Variants in FRMD4B observed in about 807,000 individuals in gnomAD.
FRMD4B encodes the protein FERM domain-containing protein 4B.
FRMD4B carries 74 observed loss-of-function variants against 141.5 expected under a neutral mutation model. That is an observed-to-expected ratio of 0.52 (90% CI 0.43 to 0.63). The LOEUF is 0.63. Among genes scored for constraint, FRMD4B ranks in the 30% least tolerant of loss-of-function variants. FRMD4B has a pLI of 0.00. For missense variants in FRMD4B, 1,366 were observed against 1,253.4 expected (o/e 1.09, Z -1.36); for synonymous variants, 506 against 467.9 (o/e 1.08, Z -1.05).
At chr3:69,342,228 C>A (rs1315558861) in intron 1 of FRMD4B, among the ~76,000 whole-genome samples, 1 of 152,162 alleles carries the variant, frequency 6.6e-6, no homozygotes, top group African/African-American at 2.4e-5. Flanking sequence ...AAAAGATGAA[C>A]ACTTGACCTG....
chr3:69,353,039 T>C (rs1392719506), intron 1 of FRMD4B, among the ~76,000 whole-genome samples: 1 of 151,996 alleles, frequency 6.6e-6, no homozygotes, highest in Non-Finnish European at 1.5e-5. Flanking sequence ...ACACAGTTCC[T>C]GCCCTCTCTC....
chr3:69,411,254 G>T (rs1305189843), intron 2 of FRMD4B, among the ~76,000 whole-genome samples: 1 of 152,122 alleles, frequency 6.6e-6, no homozygotes, highest in African/African-American at 2.4e-5. Flanking sequence ...TGCAACTAAT[G>T]CTGTCCATTC....
rs113702159 is a variant in FRMD4B, at chr3:69,247,938, C to T, written c.581+1288G>A. ...TGCTGGGATTACAGGCGTGAGCCACCGTGCCCGGCCACCCAGCTAATTTTT... is the reference window on the plus strand; with the variant it reads ...TGCTGGGATTACAGGCGTGAGCCACTGTGCCCGGCCACCCAGCTAATTTTT... On this transcript the variant is annotated intron_variant, in intron 7 of 22. Coordinates refer to ENST00000398540, the MANE Select transcript of FRMD4B (RefSeq NM_015123.3). Among the ~76,000 whole-genome samples the T allele has an allele frequency of 3.4e-4, 51 of 152,224 alleles. 2 individuals carry two copies. The South Asian group carries it at 6.6e-3, about 20-fold the overall frequency.
intron 1 of FRMD4B, among the ~76,000 whole-genome samples, chr3:69,469,793 T>A (rs1192701882): frequency 6.6e-6 from 1 of 152,248 alleles, no homozygotes; most frequent in Non-Finnish European, 1.5e-5. Context: ...TTTATATAGT[T>A]AAGATACAAG....
intron 1 of FRMD4B, among the ~76,000 whole-genome samples, chr3:69,354,262 GAATAGGAAA>G (rs1559825587): frequency 6.6e-6 from 1 of 152,102 alleles, no homozygotes; most frequent in Non-Finnish European, 1.5e-5. Context: ...GTCATTCAGT[GAATAGGAAA>G]TAATCAAAAT....
chr3:69,258,433 CAT>C (rs151190277), intron 5 of FRMD4B, among the ~76,000 whole-genome samples: 4,875 of 152,208 alleles, frequency 0.032, 140 homozygotes, highest in East Asian at 0.1. Flanking sequence ...CTTAGGGAAA[CAT>C]ATATATTTCT....
At chr3:69,197,348 C>T (rs1422954823) in intron 12 of FRMD4B, among the ~76,000 whole-genome samples, 2 of 152,000 alleles carry the variant, frequency 1.3e-5, no homozygotes, top group African/African-American at 4.8e-5. Context: ...GGATGTGTAG[C>T]CATCACAAGT....
At chr3:69,530,703 G>A (rs1358448699) in intron 1 of FRMD4B, among the ~76,000 whole-genome samples, 1 of 152,128 alleles carries the variant, frequency 6.6e-6, no homozygotes, top group Non-Finnish European at 1.5e-5. Context: ...CTGACTGCAA[G>A]TTTCTTGATT....
intron 3 of FRMD4B, among the ~76,000 whole-genome samples, chr3:69,309,895 T>C (rs1701520349): frequency 6.6e-6 from 1 of 152,216 alleles, no homozygotes; most frequent in Non-Finnish European, 1.5e-5. Flanking sequence ...TGTCTTATAC[T>C]GTTTGCTATG....
intron 1 of FRMD4B, chr3:69,536,222 G>C: frequency 1.7e-6 from 1 of 600,146 alleles, no homozygotes; most frequent in South Asian, 1.8e-5. Flanking sequence ...GGCCTCACTT[G>C]GTTTCTTGGC....
intron 1 of FRMD4B, among the ~76,000 whole-genome samples, chr3:69,490,157 G>A (rs1362088384): frequency 6.6e-6 from 1 of 152,120 alleles, no homozygotes; most frequent in Admixed American, 6.5e-5. Context: ...GGTGCTGGTT[G>A]CCCTAATATG....
chr3:69,438,754 C>G (rs1705298254), intron 1 of FRMD4B, among the ~76,000 whole-genome samples: 1 of 152,106 alleles, frequency 6.6e-6, no homozygotes, highest in Non-Finnish European at 1.5e-5. Context: ...CTGCCTCCCA[C>G]CACCCAATCT....
At chr3:69,522,858 C>A (rs1409301364) in intron 1 of FRMD4B, among the ~76,000 whole-genome samples, 3 of 152,164 alleles carry the variant, frequency 2.0e-5, no homozygotes, top group Non-Finnish European at 4.4e-5. Flanking sequence ...CAGCACATAG[C>A]AAGGTGGGCC....
intron 11 of FRMD4B, among the ~76,000 whole-genome samples, chr3:69,207,370 G>C (rs1185395806): frequency 6.7e-6 from 1 of 150,362 alleles, no homozygotes. Flanking sequence ...CCTCTTCATA[G>C]AACTATTTTT....
chr3:69,230,390 G>C (rs1294002524), intron 7 of FRMD4B, among the ~76,000 whole-genome samples: 1 of 152,152 alleles, frequency 6.6e-6, no homozygotes, highest in Non-Finnish European at 1.5e-5. Flanking sequence ...TTGGAAATTT[G>C]CATACCCTAT....
intron 1 of FRMD4B, among the ~76,000 whole-genome samples, chr3:69,502,713 AG>A (rs1156981197): frequency 6.6e-6 from 1 of 150,904 alleles, no homozygotes; most frequent in Non-Finnish European, 1.5e-5. Flanking sequence ...GCTTCTGCAC[AG>A]CAAAAAAAAA....
At chr3:69,465,694 T>C (rs1178540168) in intron 1 of FRMD4B, among the ~76,000 whole-genome samples, 3 of 152,224 alleles carry the variant, frequency 2.0e-5, no homozygotes, top group African/African-American at 7.2e-5. Context: ...TCCAGCTTCA[T>C]CCATGTCCCT....
chr3:69,537,055 C>A (rs1701098565), intron 1 of FRMD4B, among the ~76,000 whole-genome samples: 2 of 152,200 alleles, frequency 1.3e-5, no homozygotes, highest in Non-Finnish European at 2.9e-5. Flanking sequence ...ACCAGGAATT[C>A]TTTATCAGAT....
intron 5 of FRMD4B, among the ~76,000 whole-genome samples, chr3:69,251,623 G>A (rs541534899): frequency 1.3e-5 from 2 of 152,346 alleles, no homozygotes; most frequent in African/African-American, 2.4e-5. Context: ...AACCTGAGGA[G>A]AGGATCTGCT....
Sources: gnomAD v4.1 joint callset for allele counts (sites outside exome capture counted in the v4.1 genomes callset) on GRCh38, gnomAD v4.1.1 for gene constraint, MANE v1.5 for transcripts, NCBI Gene and HGNC (gene_info 2026-07-23, HGNC 2026-07-21) for gene names.